Variants in BMP1 observed in about 807,000 individuals in gnomAD.
BMP1 encodes the protein bone morphogenetic protein 1, also known as mammalian tolloid protein.
A neutral mutation model predicts 116.8 loss-of-function variants in BMP1; 63 were observed. That is an observed-to-expected ratio of 0.54 (90% CI 0.44 to 0.67). The LOEUF is 0.67. Among genes scored for constraint, BMP1 ranks in the 30% least tolerant of loss-of-function variants. BMP1 has a pLI of 0.00. For synonymous variants in BMP1, 536 were observed against 533.4 expected, an observed-to-expected ratio of 1.00 and a Z score of -0.07; for missense variants, 1,183 against 1,358.9, an observed-to-expected ratio of 0.87 and a Z score of 2.04.
chr8:22,191,343 A>C (rs1828925850), intron 8 of BMP1, among the ~76,000 whole-genome samples: 1 of 152,210 alleles, frequency 6.6e-6, no homozygotes, highest in Admixed American at 6.5e-5. Context: ...CGTATGTCTC[A>C]TCCCTCCCTA....
At chr8:22,171,872 G>C (rs972790979) in intron 1 of BMP1, among the ~76,000 whole-genome samples, 1 of 152,232 alleles carries the variant, frequency 6.6e-6, no homozygotes, top group African/African-American at 2.4e-5. Flanking sequence ...GAATATCAGC[G>C]TGGCAATTCA....
Position 22,194,856 on chromosome 8 carries a change from T to C in BMP1, c.1576T>C (p.Trp526Arg), listed in dbSNP as rs753066886. ...DDIKSTSSRL[W>R]LKFVSDGSIN... ...CATCAAGAGCACGTCCAGCCGCCTCTGGCTCAAGTTCGTCTCTGACGGGTC... is the reference window on the plus strand; with the variant it reads ...CATCAAGAGCACGTCCAGCCGCCTCCGGCTCAAGTTCGTCTCTGACGGGTC... The change falls in exon 12 of 20, where the codon TGG becomes CGG. Residue 526 changes from tryptophan to arginine, a missense_variant. Physicochemically the swap from Trp to Arg is moderately radical, Grantham distance 101. This residue lies in a region of BMP1 where 956 missense variants were observed against 1,135.2 expected (regional missense o/e 0.84). Coordinates refer to ENST00000306385, the MANE Select transcript of BMP1 (RefSeq NM_006129.5). The surrounding 1 kb of genome is among the most constrained non-coding windows in gnomAD (Gnocchi z 4.5). 4 of 1,614,146 alleles carry C rather than the reference T, an allele frequency of 2.5e-6. No homozygotes were observed. Among genetic ancestry groups the C allele is most frequent in the African/African-American group, 1.3e-5 (1 of 75,066 alleles).
chr8:22,199,217 C>G (rs768254344), intron 15 of BMP1: 2 of 1,367,464 alleles, frequency 1.5e-6, no homozygotes, highest in Non-Finnish European at 2.0e-6. Flanking sequence ...CTGGGGGCAT[C>G]GAGGCTCAGC....
chr8:22,185,828 C>CTTTTTTTTTTTT (rs71204540), intron 8 of BMP1, among the ~76,000 whole-genome samples: 4 of 80,958 alleles, frequency 4.9e-5, no homozygotes, highest in African/African-American at 1.1e-4. Context: ...CACTGTCTTT[C>CTTTTTTTTTTTT]TTTTTTTTTT....
intron 1 of BMP1, among the ~76,000 whole-genome samples, chr8:22,172,481 C>T (rs760575540): frequency 6.6e-5 from 10 of 151,688 alleles, no homozygotes; most frequent in Non-Finnish European, 1.3e-4. Context: ...CAGCCTAAGA[C>T]TTGGAATAGG....
intron 1 of BMP1, among the ~76,000 whole-genome samples, chr8:22,172,671 G>T (rs370530124): frequency 1.5e-5 from 2 of 137,416 alleles, no homozygotes; most frequent in South Asian, 2.3e-4. Context: ...GGATTGCAGT[G>T]GCATCATCTC....
intron 8 of BMP1, among the ~76,000 whole-genome samples, chr8:22,186,162 G>A (rs1054607356): frequency 1.3e-5 from 2 of 152,060 alleles, no homozygotes; most frequent in South Asian, 2.1e-4. Context: ...TACCTTCCCC[G>A]ACTTCCACAT....
intron 8 of BMP1, among the ~76,000 whole-genome samples, chr8:22,183,395 G>A (rs554091749): frequency 6.6e-6 from 1 of 152,090 alleles, no homozygotes; most frequent in Non-Finnish European, 1.5e-5. Context: ...ATGCCAGGGG[G>A]GCAGAGCGAG....
At chr8:22,204,726 C>T (rs951838254) in intron 16 of BMP1, among the ~76,000 whole-genome samples, 7 of 139,816 alleles carry the variant, frequency 5.0e-5, no homozygotes, top group Admixed American at 3.5e-4. Flanking sequence ...CTGTCCCCCC[C>T]CACCCCGCCC....
chr8:22,203,303 C>T (rs957727711), intron 16 of BMP1, among the ~76,000 whole-genome samples: 6 of 152,220 alleles, frequency 3.9e-5, no homozygotes, highest in African/African-American at 1.4e-4. Context: ...CGCCTGTAAT[C>T]CCAGTACTTT....
chr8:22,208,456 G>A (rs1182544348), intron 18 of BMP1, among the ~76,000 whole-genome samples: 1 of 152,204 alleles, frequency 6.6e-6, no homozygotes, highest in Non-Finnish European at 1.5e-5. Context: ...GCCCGTGACA[G>A]CATGAGCCCA....
chr8:22,198,504 C>A (rs1198677384), intron 15 of BMP1: 1 of 152,856 alleles, frequency 6.5e-6, no homozygotes, highest in Non-Finnish European at 1.5e-5. Flanking sequence ...GTAACAGGAC[C>A]CAGGCCCATG....
At chr8:22,207,646 G>A in intron 18 of BMP1, 130 bp downstream of exon 18, 1 of 1,077,446 alleles carries the variant, frequency 9.3e-7, no homozygotes, top group Non-Finnish European at 1.3e-6. Context: ...GGTTGTGGGT[G>A]ATGCAAACAT....
At chr8:22,178,895 T>C (rs114977724) in intron 6 of BMP1, among the ~76,000 whole-genome samples, 2,044 of 152,252 alleles carry the variant, frequency 0.013, 39 homozygotes, top group African/African-American at 0.046. Flanking sequence ...TCAGTGCTTC[T>C]ACCCGATCTG....
Position 22,180,496 on chromosome 8 carries a change from T to C in BMP1, c.1077+13T>C. 3 of 1,610,384 alleles carry C rather than the reference T, an allele frequency of 1.9e-6. No individual in the cohort carries two copies. Among genetic ancestry groups the C allele is most frequent in the Non-Finnish European group, 2.5e-6 (3 of 1,177,260 alleles). ...ACCCGGGGAGAAGGTACGTGTGGGC[T>C]CAGCCTCTGAGCCTCCCCCTCCCCT... On this transcript the variant is annotated intron_variant, in intron 8 of 19. Coordinates refer to ENST00000306385, the MANE Select transcript of BMP1 (RefSeq NM_006129.5).
intron 8 of BMP1, among the ~76,000 whole-genome samples, chr8:22,181,387 C>T (rs1050983822): frequency 6.6e-6 from 1 of 152,142 alleles, no homozygotes. Context: ...CTTCCCTGCT[C>T]GTTACTAATT....
chr8:22,187,158 T>C (rs867157016), intron 8 of BMP1, among the ~76,000 whole-genome samples: 2 of 151,480 alleles, frequency 1.3e-5, no homozygotes, highest in African/African-American at 4.9e-5. Flanking sequence ...ACCCGGCTAA[T>C]TTTTATATTT....
chr8:22,173,546 C>T (rs1238514859), intron 1 of BMP1, 56 bp from the exon 2 acceptor site: 2 of 1,368,700 alleles, frequency 1.5e-6, no homozygotes, highest in African/African-American at 1.5e-5. Flanking sequence ...AAGCACGGTG[C>T]ACCTAGGGCT....
rs551734811 is a variant in BMP1, at chr8:22,179,616, C to T, written c.837-89C>T. 132 of 1,598,382 alleles carry T rather than the reference C, an allele frequency of 8.3e-5. No individual in the cohort carries two copies. The highest frequency in any genetic ancestry group is 4.7e-4 in the African/African-American group (35 of 74,694). On this transcript the variant is annotated intron_variant, in intron 6 of 19. Coordinates refer to ENST00000306385, the MANE Select transcript of BMP1 (RefSeq NM_006129.5). The surrounding 1 kb of genome is among the most constrained non-coding windows in gnomAD (Gnocchi z 4.6). ...AGGAATGTCTGAGCTCCAGCAGGGTCGTGACTTGTGGGTACAGATGGGCAT... is the reference window on the plus strand; with the variant it reads ...AGGAATGTCTGAGCTCCAGCAGGGTTGTGACTTGTGGGTACAGATGGGCAT...
Sources: gnomAD v4.1 joint callset for allele counts (sites outside exome capture counted in the v4.1 genomes callset) on GRCh38, gnomAD v4.1.1 for gene constraint, gnomAD v4.1.1 regional missense constraint, Gnocchi (gnomAD v3.1) non-coding constraint, MANE v1.5 for transcripts, NCBI Gene and HGNC (gene_info 2026-07-23, HGNC 2026-07-21) for gene names.